The following EFCAB6 variants were observed in gnomAD, a reference collection of about 807,000 sequenced individuals.
The protein encoded by EFCAB6 is EF-hand calcium-binding domain-containing protein 6.
Under a neutral mutation model 169.8 loss-of-function variants are expected in EFCAB6, and 156 were observed. That is an observed-to-expected ratio of 0.92 (90% CI 0.81 to 1.05). The LOEUF (loss-of-function observed/expected upper bound fraction) is 1.05, where lower values mean the gene tolerates loss of function less well. Among genes scored for constraint, EFCAB6 ranks in the 50% least tolerant of loss-of-function variants. The pLI is 0.00. For synonymous variants in EFCAB6, 698 were observed against 676.4 expected (o/e 1.03, Z -0.50); for missense variants, 1,800 against 1,829.1 (o/e 0.98, Z 0.29).
chr22:43,699,673 C>A (rs998990427), intron 10 of EFCAB6, among the ~76,000 whole-genome samples: 2 of 152,088 alleles, frequency 1.3e-5, no homozygotes, highest in African/African-American at 2.4e-5. Flanking sequence ...CTCGCCTAAC[C>A]CATAGCCCTG....
At chr22:43,769,595 G>A (rs964709196) in intron 4 of EFCAB6, among the ~76,000 whole-genome samples, 2 of 152,044 alleles carry the variant, frequency 1.3e-5, no homozygotes, top group Admixed American at 6.6e-5. Flanking sequence ...TAAATAAAGG[G>A]GAAATTTTTT....
At chr22:43,567,679 G>T (rs1169737403) in intron 26 of EFCAB6, among the ~76,000 whole-genome samples, 2 of 152,204 alleles carry the variant, frequency 1.3e-5, no homozygotes, top group Non-Finnish European at 2.9e-5. Context: ...GACTGGGAAA[G>T]AATGTTTCTA....
chr22:43,588,961 TTTC>T (rs1481405245), intron 24 of EFCAB6, among the ~76,000 whole-genome samples: 2 of 152,072 alleles, frequency 1.3e-5, no homozygotes, highest in Admixed American at 6.6e-5. Flanking sequence ...GGAGGTAAGT[TTTC>T]TTGTGTTTCC....
At chr22:43,608,160 G>T (rs540914830) in intron 22 of EFCAB6, among the ~76,000 whole-genome samples, 1 of 152,318 alleles carries the variant, frequency 6.6e-6, no homozygotes, top group East Asian at 1.9e-4. Context: ...TCCTTGGAGA[G>T]TGACTTGTTT....
At chr22:43,656,707 T>C (rs1032151448) in intron 17 of EFCAB6, among the ~76,000 whole-genome samples, 1 of 151,978 alleles carries the variant, frequency 6.6e-6, no homozygotes, top group Non-Finnish European at 1.5e-5. Flanking sequence ...TGTAGGAGGC[T>C]ATAGCACCTA....
At chr22:43,664,784 C>A (rs1200877365) in intron 17 of EFCAB6, among the ~76,000 whole-genome samples, 2 of 152,110 alleles carry the variant, frequency 1.3e-5, no homozygotes, top group Non-Finnish European at 2.9e-5. Context: ...TTGGACCATG[C>A]AGGGTCTCCT....
intron 24 of EFCAB6, among the ~76,000 whole-genome samples, chr22:43,580,892 G>A (rs962806204): frequency 6.6e-6 from 1 of 152,188 alleles, no homozygotes; most frequent in Admixed American, 6.5e-5. Flanking sequence ...GTTCACTGAC[G>A]GCCGGAGGGC....
At chr22:43,532,616 T>G (rs1336329049) in intron 30 of EFCAB6, among the ~76,000 whole-genome samples, 1 of 152,220 alleles carries the variant, frequency 6.6e-6, no homozygotes, top group African/African-American at 2.4e-5. Context: ...TGGTCTAAGC[T>G]TTTGATACTA....
At position 43,594,455 on chromosome 22, in the gene EFCAB6, C is replaced by A. The variant is rs1012212249; in HGVS notation, c.2877-4226G>T. On this transcript the variant is annotated intron_variant, in intron 23 of 31. Coordinates refer to ENST00000262726, the MANE Select transcript of EFCAB6 (RefSeq NM_022785.4). ...AAGTAAAGAAATTGAAAAAGATATT[C>A]AATGCAAATGGAAACCAATGAAGAG... Among the ~76,000 whole-genome samples the A allele has an allele frequency of 4.6e-5, 7 of 151,942 alleles. No individual in the cohort carries two copies. The East Asian group carries it at 1.2e-3, about 25-fold the overall frequency.
At chr22:43,619,659 C>A (rs1489344415) in intron 20 of EFCAB6, among the ~76,000 whole-genome samples, 1 of 152,186 alleles carries the variant, frequency 6.6e-6, no homozygotes, top group East Asian at 1.9e-4. Flanking sequence ...GAGGAGTCAG[C>A]AAAGTTGAAA....
intron 7 of EFCAB6, 103 bp downstream of exon 7, chr22:43,735,754 G>C: frequency 1.5e-6 from 2 of 1,330,884 alleles, no homozygotes; most frequent in East Asian, 2.4e-5. Context: ...GTGTGGCAGG[G>C]GGAGGTGAGA....
At chr22:43,797,769 T>A (rs2148156109) in intron 2 of EFCAB6, among the ~76,000 whole-genome samples, 1 of 152,282 alleles carries the variant, frequency 6.6e-6, no homozygotes, top group South Asian at 2.1e-4. Flanking sequence ...CCAAAGTCCT[T>A]GGTGTCTTTG....
At chr22:43,725,330 G>A (rs375168464) in intron 8 of EFCAB6, among the ~76,000 whole-genome samples, 7 of 151,962 alleles carry the variant, frequency 4.6e-5, no homozygotes, top group African/African-American at 1.7e-4. Context: ...TAGTAGAGAT[G>A]GGGTTTCTCC....
At chr22:43,574,339 G>A in intron 26 of EFCAB6, among the ~76,000 whole-genome samples, 1 of 152,114 alleles carries the variant, frequency 6.6e-6, no homozygotes, top group East Asian at 1.9e-4. Context: ...TTAAGGCAGG[G>A]TAGTGCATAG....
intron 2 of EFCAB6, among the ~76,000 whole-genome samples, chr22:43,794,590 T>C (rs185393283): frequency 6.6e-6 from 1 of 152,354 alleles, no homozygotes. Flanking sequence ...AGAAAATCTG[T>C]GTATCAATCC....
Position 43,744,079 on chromosome 22 carries a change from GGATGAATGATGAATGA to G in EFCAB6, c.508-8102_508-8087del, listed in dbSNP as rs1168462329. Among the ~76,000 whole-genome samples, 3 of 148,446 alleles carry G rather than the reference GGATGAATGATGAATGA, an allele frequency of 2.0e-5. No homozygotes were observed. Among genetic ancestry groups the G allele is most frequent in the African/African-American group, 7.5e-5 (3 of 39,860 alleles). ...TGCATGGATGGATGAACGGATGAAT[GGATGAATGATGAATGA>G]ATGAATGAATGAATGAATGGATGGG... is the stretch of plus-strand genomic sequence containing the variant. On this transcript the variant is annotated intron_variant, in intron 6 of 31. Transcript: ENST00000262726. The surrounding 1 kb of genome is among the most constrained non-coding windows in gnomAD (Gnocchi z 4.3).
chr22:43,622,331 A>C (rs1010036722), intron 20 of EFCAB6, among the ~76,000 whole-genome samples: 5 of 152,184 alleles, frequency 3.3e-5, no homozygotes, highest in Non-Finnish European at 7.4e-5. Context: ...TCAGGAGGCC[A>C]AGGTGGGTGG....
intron 5 of EFCAB6, chr22:43,759,617 T>A (rs2061081763): frequency 6.6e-6 from 1 of 152,236 alleles, no homozygotes. Flanking sequence ...CTACCATTAT[T>A]ATAGATGATA....
intron 10 of EFCAB6, among the ~76,000 whole-genome samples, chr22:43,692,835 G>C (rs1280478951): frequency 1.3e-5 from 2 of 151,844 alleles, no homozygotes; most frequent in Non-Finnish European, 2.9e-5. Context: ...AAGAAATAAA[G>C]GCCAAAATTT....
Sources: gnomAD v4.1 joint callset for allele counts (sites outside exome capture counted in the v4.1 genomes callset) on GRCh38, gnomAD v4.1.1 for gene constraint, Gnocchi (gnomAD v3.1) non-coding constraint, MANE v1.5 for transcripts, NCBI Gene and HGNC (gene_info 2026-07-23, HGNC 2026-07-21) for gene names.